The following LRRC7 variants were observed in gnomAD, a reference collection of about 807,000 sequenced individuals.
The protein encoded by LRRC7 is leucine-rich repeat-containing protein 7.
A neutral mutation model predicts 175.7 loss-of-function variants in LRRC7; 23 were observed. The observed-to-expected ratio is 0.13, with a 90% CI of 0.09 to 0.19. The LOEUF is 0.19. Among genes scored for constraint, LRRC7 ranks in the 10% least tolerant of loss-of-function variants. The pLI is 1.00. For missense variants in LRRC7, 1,354 were observed against 1,904.7 expected (o/e 0.71, Z 5.38); for synonymous variants, 685 against 680.9 (o/e 1.01, Z -0.09).
At chr1:70,059,474 A>AGTGTGTGTGTGTGTGT (rs10542055) in intron 23 of LRRC7, among the ~76,000 whole-genome samples, 11 of 132,194 alleles carry the variant, frequency 8.3e-5, no homozygotes, top group African/African-American at 3.2e-4. Flanking sequence ...ACTAGAAGAA[A>AGTGTGTGTGTGTGTGT]GTGTGTGTGT....
intron 1 of LRRC7, among the ~76,000 whole-genome samples, chr1:69,595,732 A>G (rs1391183899): frequency 6.6e-6 from 1 of 152,160 alleles, no homozygotes; most frequent in Non-Finnish European, 1.5e-5. Context: ...CCTCATTTCG[A>G]CAACATTTCA....
intron 25 of LRRC7, among the ~76,000 whole-genome samples, chr1:70,105,840 T>G (rs2102209392): frequency 6.6e-6 from 1 of 152,278 alleles, no homozygotes; most frequent in African/African-American, 2.4e-5. Flanking sequence ...TTTTGATGCC[T>G]ATCTGTAGTG....
intron 1 of LRRC7, among the ~76,000 whole-genome samples, chr1:69,608,854 CTCTCTCTCTCTCTATA>C (rs1435113306): frequency 0.022 from 753 of 34,436 alleles, no homozygotes; most frequent in Middle Eastern, 0.067. Flanking sequence ...CTCTCTCTCT[CTCTCTCTCTCTCTATA>C]TATATATATA....
At position 69,678,339 on chromosome 1, in the gene LRRC7, A is replaced by G. The variant is rs755058843; in HGVS notation, c.3-42A>G. ...CATTTAACTTGTAAACATTTATCCA[A>G]AAAAAAGAGTATGAAAATACTCTTC... On this transcript the variant is annotated intron_variant, in intron 1 of 26. Coordinates refer to ENST00000651989, the MANE Select transcript of LRRC7 (RefSeq NM_001370785.2). 67 of 1,388,416 alleles carry G rather than the reference A, an allele frequency of 4.8e-5. No homozygotes were observed. In the Middle Eastern group the frequency reaches 5.3e-4, roughly 11 times the overall value. 86.0% of individuals were successfully genotyped at this position (1,388,416 alleles called of 1,614,324 possible).
intron 1 of LRRC7, among the ~76,000 whole-genome samples, chr1:69,576,246 T>C (rs1200622372): frequency 8.1e-6 from 1 of 124,136 alleles, no homozygotes; most frequent in African/African-American, 2.7e-5. Context: ...AAAAGTTACT[T>C]TGGAAGGTCC....
At chr1:69,873,495 C>A in intron 7 of LRRC7, 1 of 532,968 alleles carries the variant, frequency 1.9e-6, no homozygotes, top group Non-Finnish European at 3.8e-6. Context: ...GTGCCCCTTG[C>A]CCAATCGCCT....
intron 4 of LRRC7, among the ~76,000 whole-genome samples, chr1:69,825,327 C>T (rs534298753): frequency 3.3e-5 from 5 of 152,278 alleles, no homozygotes; most frequent in African/African-American, 1.2e-4. Flanking sequence ...CCTTCCTAAC[C>T]TTATAAAATG....
In LRRC7 at chr1:70,036,549, C is replaced by G. The variant is rs1341249313; in HGVS notation, c.2213C>G (p.Ser738Cys). Residue 738 changes from serine (S) to cysteine (C), a missense_variant, in exon 20 of 27, where the codon TCT becomes TGT. Transcript: ENST00000651989. ...YSPSQASSGS[S>C]NTRVKVGSLQ... ...CCTTCCCAGGCTTCCTCAGGATCCTCTAATACCCGGGTTAAAGTGGGGTCC... is the reference window on the plus strand; with the variant it reads ...CCTTCCCAGGCTTCCTCAGGATCCTGTAATACCCGGGTTAAAGTGGGGTCC... 1 of 1,614,086 alleles carries G rather than the reference C, an allele frequency of 6.2e-7. No homozygotes were observed. The highest frequency in any genetic ancestry group is 8.5e-7 in the Non-Finnish European group (1 of 1,179,972).
chr1:69,587,741 T>C (rs192287850), intron 1 of LRRC7, among the ~76,000 whole-genome samples: 1 of 152,232 alleles, frequency 6.6e-6, no homozygotes, highest in East Asian at 1.9e-4. Context: ...GAAAAGCTGA[T>C]GGTTTTAAAA....
chr1:70,042,647 T>C (rs913546426), intron 21 of LRRC7, among the ~76,000 whole-genome samples: 1 of 152,226 alleles, frequency 6.6e-6, no homozygotes, highest in Non-Finnish European at 1.5e-5. Flanking sequence ...TGAACCCATA[T>C]GTCTGAGACT....
intron 12 of LRRC7, among the ~76,000 whole-genome samples, chr1:70,012,309 GC>G (rs1489087485): frequency 6.6e-6 from 1 of 151,394 alleles, no homozygotes; most frequent in Non-Finnish European, 1.5e-5. Context: ...GTATCATGCT[GC>G]ATTATAATAT....
chr1:69,890,844 A>C (rs1645812400), intron 7 of LRRC7, among the ~76,000 whole-genome samples: 1 of 152,134 alleles, frequency 6.6e-6, no homozygotes, highest in African/African-American at 2.4e-5. Context: ...AACTTCACAA[A>C]CCAACCTCTG....
At chr1:70,015,766 C>T (rs772943774) in intron 13 of LRRC7, among the ~76,000 whole-genome samples, 23 of 152,188 alleles carry the variant, frequency 1.5e-4, no homozygotes, top group Non-Finnish European at 2.6e-4. Flanking sequence ...TTAAAGATTA[C>T]CCCTTTGAAT....
intron 2 of LRRC7, among the ~76,000 whole-genome samples, chr1:69,748,271 A>G (rs1669467587): frequency 6.6e-6 from 1 of 152,166 alleles, no homozygotes; most frequent in South Asian, 2.1e-4. Flanking sequence ...AACAGCATGA[A>G]ATAACATTTT....
chr1:69,981,159 C>CA (rs1163217368), intron 9 of LRRC7, among the ~76,000 whole-genome samples: 1 of 152,160 alleles, frequency 6.6e-6, no homozygotes, highest in Non-Finnish European at 1.5e-5. Flanking sequence ...AGAGCGCAAA[C>CA]ACAAGTCTCC....
chr1:70,082,199 A>G (rs1663257076), intron 24 of LRRC7, among the ~76,000 whole-genome samples: 1 of 152,200 alleles, frequency 6.6e-6, no homozygotes, highest in Non-Finnish European at 1.5e-5. Context: ...GAGTGGTGTA[A>G]GAAGAAACAT....
intron 1 of LRRC7, among the ~76,000 whole-genome samples, chr1:69,652,669 A>G (rs1243695066): frequency 6.6e-6 from 1 of 152,092 alleles, no homozygotes; most frequent in Non-Finnish European, 1.5e-5. Flanking sequence ...ATGGAACCTC[A>G]AAGGACTCTG....
At chr1:69,596,311 C>T (rs973706665) in intron 1 of LRRC7, among the ~76,000 whole-genome samples, 28 of 152,246 alleles carry the variant, frequency 1.8e-4, no homozygotes, top group African/African-American at 5.5e-4. Context: ...GTGATTAAAC[C>T]GGAACAAAAC....
At chr1:70,084,293 A>T (rs1663439165) in intron 24 of LRRC7, among the ~76,000 whole-genome samples, 1 of 152,290 alleles carries the variant, frequency 6.6e-6, no homozygotes, top group African/African-American at 2.4e-5. Context: ...TCAAAAAAAA[A>T]CTTTGCATCC....
Sources: allele counts gnomAD v4.1 joint callset (sites outside exome capture counted in the v4.1 genomes callset), GRCh38; gene constraint gnomAD v4.1.1; transcripts MANE v1.5; gene names NCBI Gene and HGNC (gene_info 2026-07-23, HGNC 2026-07-21).